CDC42BPA: variants seen among roughly 807,000 people sequenced by gnomAD.
The protein encoded by CDC42BPA is CDC42 binding protein kinase alpha.
In CDC42BPA, 80 loss-of-function variants were observed where a neutral mutation model predicts 223.5. That is an observed-to-expected ratio of 0.36 (90% CI 0.30 to 0.43). The LOEUF is 0.43. Ranked by LOEUF, CDC42BPA falls within the 20% of genes least tolerant of loss-of-function variation. The pLI is 1.00. For synonymous variants in CDC42BPA, 694 were observed against 718.6 expected, an observed-to-expected ratio of 0.97 and a Z score of 0.55; for missense variants, 1,743 against 2,099.9, an observed-to-expected ratio of 0.83 and a Z score of 3.32.
intron 30 of CDC42BPA, among the ~76,000 whole-genome samples, chr1:227,028,043 G>T (rs894657026): frequency 4.0e-5 from 6 of 151,102 alleles, no homozygotes; most frequent in Admixed American, 1.3e-4. Context: ...CTGCTTCAGT[G>T]TAAGAGTTGG....
Position 227,121,817 on chromosome 1 carries a change from T to G in CDC42BPA, c.1514-1880A>C, listed in dbSNP as rs77218803. On this transcript the variant is annotated intron_variant, in intron 11 of 36. Transcript: ENST00000366766. Reference sequence around the variant, plus strand: ...TCTTTTTTTTCTTTTTTTTTTTTTTTGGAGACGGAGTCTTGCTCTATCACC... The same window carrying G: ...TCTTTTTTTTCTTTTTTTTTTTTTTGGGAGACGGAGTCTTGCTCTATCACC... Among the ~76,000 whole-genome samples, 9 of 138,184 alleles carry G rather than the reference T, an allele frequency of 6.5e-5. No homozygotes were observed. The East Asian group carries it at 1.7e-3, about 26-fold the overall frequency. 90.7% of individuals were successfully genotyped at this position (138,184 alleles called of 152,430 possible). A position where few individuals can be genotyped will look rare whatever the true frequency, so the allele number is the denominator to read the frequency against.
intron 24 of CDC42BPA, among the ~76,000 whole-genome samples, chr1:227,036,553 C>T (rs1392820778): frequency 2.0e-5 from 3 of 151,894 alleles, no homozygotes; most frequent in Non-Finnish European, 4.4e-5. Context: ...CCTCAGCCTC[C>T]CAAGCAGCTG....
rs1312316264 is a variant in CDC42BPA, at chr1:227,112,382, T to G, written c.1931A>C (p.Lys644Thr). The G allele has an allele frequency of 5.6e-6, 9 of 1,606,838 alleles. No homozygotes were observed. Among genetic ancestry groups the G allele is most frequent in the Non-Finnish European group, 7.6e-6 (9 of 1,176,748 alleles). The change falls in exon 14 of 37, where the codon AAA (lysine) becomes ACA (threonine). Residue 644 changes from lysine to threonine, a missense_variant. By Grantham distance (78) the Lys-to-Thr change is moderately conservative. Transcript: ENST00000366766. The stretch of plus-strand genomic sequence containing the variant: ...ACTCTGTTCACGTAGCTTCCTGTCT[T>G]TAGATGCTTCAGCAGCTAGAGCTTC... ...HTEALAAEAS[K>T]DRKLREQSEH...
At position 226,994,341 on chromosome 1, in the gene CDC42BPA, G is replaced by T. The variant is rs777019251; in HGVS notation, c.5192C>A (p.Pro1731Gln). 3 of 1,596,852 alleles carry T rather than the reference G, an allele frequency of 1.9e-6. No homozygotes were observed. The highest frequency in any genetic ancestry group is 2.3e-5 in the South Asian group (2 of 88,544). Residue 1731 changes from proline to glutamine, a missense_variant, in exon 37 of 37, where the codon CCA (proline) becomes CAA (glutamine). Physicochemically the swap from Pro to Gln is moderately conservative, Grantham distance 76. This residue lies in a region of CDC42BPA where 200 missense variants were observed against 192.8 expected (regional missense o/e 1.04). Transcript: ENST00000366766. This position sits in a 1 kb window ranked among gnomAD's most constrained non-coding sequence, Gnocchi z 4.0. ...GGTTTTTCGGGGTGAAGCTGGGCTT[G>T]GGGGGCTGCTTAGGTTGGAACTGTT... ...ASNSSNLSSP[P>Q]SPASPRKTKS... is the part of the protein sequence containing the mutation.
At chr1:227,172,112 T>A (rs1666206211) in intron 5 of CDC42BPA, among the ~76,000 whole-genome samples, 1 of 152,282 alleles carries the variant, frequency 6.6e-6, no homozygotes, top group East Asian at 1.9e-4. Flanking sequence ...TCTCTTAATT[T>A]TGTCAAAGAA....
At chr1:227,205,742 T>C (rs955616056) in intron 3 of CDC42BPA, among the ~76,000 whole-genome samples, 2 of 152,102 alleles carry the variant, frequency 1.3e-5, no homozygotes, top group African/African-American at 4.8e-5. Flanking sequence ...ATGAGAAAAT[T>C]GAGCCTTAGA....
chr1:227,304,194 G>C (rs1244259794), intron 1 of CDC42BPA, among the ~76,000 whole-genome samples: 2 of 152,066 alleles, frequency 1.3e-5, no homozygotes, highest in African/African-American at 4.8e-5. Flanking sequence ...ATCACTTGAG[G>C]CCAGGAGTTC....
intron 11 of CDC42BPA, among the ~76,000 whole-genome samples, chr1:227,123,936 G>C (rs1689105816): frequency 6.6e-6 from 1 of 151,960 alleles, no homozygotes; most frequent in Non-Finnish European, 1.5e-5. Flanking sequence ...GGCAACATAA[G>C]AACGAGAGTC....
At position 227,313,555 on chromosome 1, in the gene CDC42BPA, T is replaced by C. The variant is rs563608264; in HGVS notation, c.178+3450A>G. Among the ~76,000 whole-genome samples the C allele has an allele frequency of 1.6e-3, 249 of 152,300 alleles. 1 individual carries two copies. The highest frequency in any genetic ancestry group is 5.5e-3 in the African/African-American group (229 of 41,586). On this transcript the variant is annotated intron_variant, in intron 1 of 36. Coordinates refer to ENST00000366766, the MANE Select transcript of CDC42BPA (RefSeq NM_001394014.1). ...AAAGGAAACAAGTACCCAACCAATA[T>C]TGCTGATTATTCTAGTTGAGAACTT...
chr1:227,158,151 A>T (rs1336017783), intron 6 of CDC42BPA, among the ~76,000 whole-genome samples: 1 of 151,920 alleles, frequency 6.6e-6, no homozygotes, highest in Non-Finnish European at 1.5e-5. Context: ...AGTATAGACA[A>T]GCTTTCACTG....
At chr1:227,264,799 G>A in intron 1 of CDC42BPA, 2 of 1,241,532 alleles carry the variant, frequency 1.6e-6, no homozygotes, top group Non-Finnish European at 2.4e-6. Context: ...TTACCTCAGT[G>A]ACAGAATCTT....
chr1:227,176,172 C>T (rs927631506), intron 5 of CDC42BPA, among the ~76,000 whole-genome samples: 4 of 152,056 alleles, frequency 2.6e-5, no homozygotes, highest in Non-Finnish European at 4.4e-5. Context: ...AGGCTGGTCT[C>T]GAATTCCTGA....
intron 35 of CDC42BPA, among the ~76,000 whole-genome samples, chr1:226,997,209 A>G (rs1288849675): frequency 2.0e-5 from 3 of 152,198 alleles, no homozygotes; most frequent in African/African-American, 7.2e-5. Context: ...CCAGGAATTT[A>G]TCCATTTCTT....
chr1:227,008,801 C>G (rs12403236), intron 34 of CDC42BPA, among the ~76,000 whole-genome samples: 57,553 of 151,870 alleles, frequency 0.38, 11,547 homozygotes, highest in Non-Finnish European at 0.46. Flanking sequence ...CCATCTACAT[C>G]AATTTGGTTC....
At chr1:227,017,180 G>C in intron 32 of CDC42BPA, 130 bp from the exon 33 acceptor site, 1 of 686,334 alleles carries the variant, frequency 1.5e-6, no homozygotes, top group Non-Finnish European at 2.3e-6. Flanking sequence ...TAAATGTTGT[G>C]TTGATAACCC....
chr1:227,141,734 T>A (rs1233388244), intron 9 of CDC42BPA, among the ~76,000 whole-genome samples: 1 of 151,772 alleles, frequency 6.6e-6, no homozygotes, highest in Non-Finnish European at 1.5e-5. Context: ...GCTTGAGGAG[T>A]AGGAGGCTGT....
intron 5 of CDC42BPA, among the ~76,000 whole-genome samples, chr1:227,163,145 T>C (rs894735623): frequency 2.6e-5 from 4 of 151,700 alleles, no homozygotes; most frequent in East Asian, 1.9e-4. Context: ...TGTGTGTATG[T>C]TTCCAAACAT....
At chr1:227,016,392 G>A (rs1258726226) in intron 33 of CDC42BPA, among the ~76,000 whole-genome samples, 195 bp from the exon 34 acceptor site, 1 of 152,088 alleles carries the variant, frequency 6.6e-6, no homozygotes, top group African/African-American at 2.4e-5. Flanking sequence ...AAGATCTTAC[G>A]ATTTTAGGTG....
chr1:227,296,428 G>A (rs569324672), intron 1 of CDC42BPA, among the ~76,000 whole-genome samples: 5 of 152,120 alleles, frequency 3.3e-5, no homozygotes, highest in East Asian at 1.9e-4. Context: ...AAAATAGGCC[G>A]GGCATAGTGG....
Sources: allele counts gnomAD v4.1 joint callset (sites outside exome capture counted in the v4.1 genomes callset), GRCh38; gene constraint gnomAD v4.1.1; regional missense constraint gnomAD v4.1.1; non-coding constraint Gnocchi (gnomAD v3.1); transcripts MANE v1.5; gene names NCBI Gene and HGNC (gene_info 2026-07-23, HGNC 2026-07-21).